Variants in CDKAL1 observed in about 807,000 individuals in gnomAD.
The protein encoded by CDKAL1 is threonylcarbamoyladenosine tRNA methylthiotransferase.
A neutral mutation model predicts 68.2 loss-of-function variants in CDKAL1; 32 were observed. The observed-to-expected ratio is 0.47, with a 90% confidence interval of 0.35 to 0.63. The LOEUF (loss-of-function observed/expected upper bound fraction) is 0.63. Among genes scored for constraint, CDKAL1 ranks in the 30% least tolerant of loss-of-function variants. CDKAL1 has a pLI of 0.00. For missense variants in CDKAL1, 606 were observed against 696.7 expected (o/e 0.87, Z 1.47); for synonymous variants, 234 against 244.3 (o/e 0.96, Z 0.39).
intron 13 of CDKAL1, among the ~76,000 whole-genome samples, chr6:21,157,268 G>A (rs545017888): frequency 3.3e-5 from 5 of 152,268 alleles, no homozygotes; most frequent in East Asian, 1.9e-4. Context: ...TTCCTTTCAC[G>A]ATAATGGGCA....
At chr6:20,985,381 C>T (rs987276777) in intron 10 of CDKAL1, among the ~76,000 whole-genome samples, 1 of 152,134 alleles carries the variant, frequency 6.6e-6, no homozygotes, top group Non-Finnish European at 1.5e-5. Flanking sequence ...GCAACCTCTG[C>T]CTCCCAGATT....
Position 21,003,371 on chromosome 6 carries a change from T to TACACACACACACACACACACAC in CDKAL1, c.1055+3018_1055+3019insCACACACACACACACACACACA, listed in dbSNP as rs55839331. Among the ~76,000 whole-genome samples, 100 of 49,286 alleles carry TACACACACACACACACACACAC rather than the reference T, an allele frequency of 2.0e-3. 2 individuals carry two copies. Among genetic ancestry groups the TACACACACACACACACACACAC allele is most frequent in the African/African-American group, 6.9e-3 (63 of 9,160 alleles). 32.3% of individuals were successfully genotyped at this position (49,286 alleles called of 152,430 possible). ...ATATATATATATATATATATATATA[T>TACACACACACACACACACACAC]ACACACACACACACACACATATATA... On this transcript the variant is annotated intron_variant, in intron 11 of 15. Transcript: ENST00000274695.
rs1418975714 is a variant in CDKAL1, at chr6:20,675,700, T to C, written c.371+26323T>C. Among the ~76,000 whole-genome samples the C allele has an allele frequency of 6.6e-5, 10 of 152,314 alleles. No individual in the cohort carries two copies. The East Asian group carries it at 1.3e-3, about 21-fold the overall frequency. On this transcript the variant is annotated intron_variant, in intron 5 of 15. Coordinates refer to ENST00000274695, the MANE Select transcript of CDKAL1 (RefSeq NM_017774.3). ...GTACAATCGTGTACATACATAATAC[T>C]TGATGATGATAACAAATGACTATTT...
chr6:20,555,683 C>T (rs1419131080), intron 4 of CDKAL1, among the ~76,000 whole-genome samples: 7 of 129,426 alleles, frequency 5.4e-5, no homozygotes, highest in East Asian at 2.7e-4. Flanking sequence ...AGTGCAGTGG[C>T]GCTATCTTAG....
intron 9 of CDKAL1, among the ~76,000 whole-genome samples, chr6:20,879,771 C>T (rs941545452): frequency 6.6e-6 from 1 of 152,142 alleles, no homozygotes; most frequent in African/African-American, 2.4e-5. Flanking sequence ...TGTGTGGTGA[C>T]CCCTGCTGTT....
At chr6:20,665,675 T>C (rs1244886832) in intron 5 of CDKAL1, among the ~76,000 whole-genome samples, 5 of 127,792 alleles carry the variant, frequency 3.9e-5, no homozygotes, top group Admixed American at 7.3e-5. Context: ...TCTTGGAAAC[T>C]ATAATTGAAA....
At chr6:20,600,661 G>A (rs1766041944) in intron 4 of CDKAL1, among the ~76,000 whole-genome samples, 1 of 150,760 alleles carries the variant, frequency 6.6e-6, no homozygotes, top group Non-Finnish European at 1.5e-5. Flanking sequence ...TAAATAAGAT[G>A]ATAATTAATA....
At chr6:20,655,946 T>G (rs1405790485) in intron 5 of CDKAL1, among the ~76,000 whole-genome samples, 1 of 152,212 alleles carries the variant, frequency 6.6e-6, no homozygotes, top group East Asian at 1.9e-4. Flanking sequence ...TTATTGAGTG[T>G]CTTCTATGTG....
intron 4 of CDKAL1, among the ~76,000 whole-genome samples, chr6:20,613,577 G>A (rs1025500114): frequency 1.3e-5 from 2 of 149,930 alleles, no homozygotes; most frequent in African/African-American, 4.9e-5. Context: ...GCCTGGCTGC[G>A]ACAAAGTTTC....
At chr6:20,888,796 G>A (rs900195956) in intron 9 of CDKAL1, among the ~76,000 whole-genome samples, 4 of 152,058 alleles carry the variant, frequency 2.6e-5, no homozygotes, top group African/African-American at 9.7e-5. Flanking sequence ...TTGGTTCCAA[G>A]TCTTTGCTAC....
At chr6:21,024,575 A>G (rs1260496858) in intron 11 of CDKAL1, among the ~76,000 whole-genome samples, 2 of 152,242 alleles carry the variant, frequency 1.3e-5, no homozygotes, top group African/African-American at 4.8e-5. Flanking sequence ...ATTACCATCA[A>G]AAATACATGT....
At chr6:20,688,202 T>G (rs1166600927) in intron 5 of CDKAL1, among the ~76,000 whole-genome samples, 9 of 151,942 alleles carry the variant, frequency 5.9e-5, no homozygotes, top group Non-Finnish European at 1.3e-4. Context: ...ATGTCATGCA[T>G]AGGTATAGTT....
chr6:21,195,410 G>A (rs550350131), intron 13 of CDKAL1, among the ~76,000 whole-genome samples: 53 of 152,000 alleles, frequency 3.5e-4, no homozygotes, highest in African/African-American at 1.0e-3. Context: ...TGATCCACCC[G>A]CCCTGGCCTC....
chr6:20,912,141 TG>T (rs1383337633), intron 9 of CDKAL1, among the ~76,000 whole-genome samples: 1 of 152,248 alleles, frequency 6.6e-6, no homozygotes, highest in African/African-American at 2.4e-5. Flanking sequence ...TGCTGTTTTT[TG>T]TGTGTTTGTT....
intron 10 of CDKAL1, among the ~76,000 whole-genome samples, chr6:20,977,070 T>C (rs183852462): frequency 2.0e-5 from 3 of 152,288 alleles, no homozygotes; most frequent in Admixed American, 2.0e-4. Context: ...AAATTGCCCA[T>C]CATGTATAAA....
intron 4 of CDKAL1, among the ~76,000 whole-genome samples, chr6:20,646,169 G>T (rs1319653867): frequency 7.1e-6 from 1 of 141,246 alleles, no homozygotes; most frequent in Non-Finnish European, 1.5e-5. Context: ...CAATTCTTCT[G>T]CCTCAGCCTC....
At chr6:21,012,871 C>T (rs1003821304) in intron 11 of CDKAL1, among the ~76,000 whole-genome samples, 18 of 152,306 alleles carry the variant, frequency 1.2e-4, no homozygotes, top group African/African-American at 2.2e-4. Context: ...TGTACAGTAG[C>T]GGCTGTGCAG....
intron 13 of CDKAL1, among the ~76,000 whole-genome samples, chr6:21,120,872 G>A (rs146751318): frequency 0.012 from 1,794 of 152,150 alleles, 27 homozygotes; most frequent in Middle Eastern, 0.024. Flanking sequence ...TCTTTGAGTG[G>A]CATCTGATGT....
chr6:20,771,356 C>G (rs1487413324), intron 7 of CDKAL1, among the ~76,000 whole-genome samples: 5 of 152,156 alleles, frequency 3.3e-5, no homozygotes, highest in African/African-American at 1.2e-4. Flanking sequence ...GGGGCCTCCT[C>G]TCATTTAGAT....
Sources: allele counts gnomAD v4.1 joint callset (sites outside exome capture counted in the v4.1 genomes callset), GRCh38; gene constraint gnomAD v4.1.1; transcripts MANE v1.5; gene names NCBI Gene and HGNC (gene_info 2026-07-23, HGNC 2026-07-21).